The following OPCML variants were observed in gnomAD, a reference collection of about 807,000 sequenced individuals.
OPCML encodes opioid binding protein/cell adhesion molecule like, also known as opioid-binding protein/cell adhesion molecule.
A neutral mutation model predicts 37.8 loss-of-function variants in OPCML; 13 were observed. That is an observed-to-expected ratio of 0.34 (90% CI 0.22 to 0.55). OPCML has a LOEUF of 0.55. Ranked by LOEUF, OPCML falls within the 20% of genes least tolerant of loss-of-function variation. The pLI is 0.91. For missense variants in OPCML, 341 were observed against 435.6 expected, an observed-to-expected ratio of 0.78 and a Z score of 1.93; for synonymous variants, 176 against 168.8, an observed-to-expected ratio of 1.04 and a Z score of -0.33.
chr11:133,377,303 T>C (rs1944827047), intron 1 of OPCML, among the ~76,000 whole-genome samples: 1 of 152,178 alleles, frequency 6.6e-6, no homozygotes, highest in Non-Finnish European at 1.5e-5. Context: ...CCTGGGCTGA[T>C]GGTTGTCTCT....
chr11:133,015,403 G>GGAAT (rs1230423638), intron 1 of OPCML, among the ~76,000 whole-genome samples: 16 of 76,964 alleles, frequency 2.1e-4, no homozygotes, highest in African/African-American at 6.3e-4. Context: ...AATGAAGGAA[G>GGAAT]GAAGGAAGGA....
chr11:132,922,351 A>G (rs183449638), intron 2 of OPCML, among the ~76,000 whole-genome samples: 2 of 152,310 alleles, frequency 1.3e-5, no homozygotes, highest in East Asian at 3.9e-4. Flanking sequence ...GAAATGAGAC[A>G]GAGAAATACT....
chr11:133,519,137 G>T (rs1488832710), intron 1 of OPCML, among the ~76,000 whole-genome samples: 2 of 152,082 alleles, frequency 1.3e-5, no homozygotes, highest in Admixed American at 1.3e-4. Context: ...ACCTTGTGCT[G>T]GGTGGTCTGG....
intron 2 of OPCML, among the ~76,000 whole-genome samples, chr11:132,925,446 G>A (rs1260921444): frequency 1.3e-5 from 2 of 152,204 alleles, no homozygotes; most frequent in Non-Finnish European, 2.9e-5. Flanking sequence ...AAGAAGAACA[G>A]AATCCTCTGG....
At chr11:133,327,191 GTGTGTGTATGAGGGGGTATGTGGGTA>G (rs1048608036) in intron 1 of OPCML, among the ~76,000 whole-genome samples, 2 of 150,636 alleles carry the variant, frequency 1.3e-5, no homozygotes, top group African/African-American at 4.9e-5. Flanking sequence ...TGTGGGTGGG[GTGTGTGTATGAGGGGGTATGTGGGTA>G]TGTGTGTATG....
chr11:132,758,701 C>T (rs1337440648), intron 2 of OPCML, among the ~76,000 whole-genome samples: 1 of 152,150 alleles, frequency 6.6e-6, no homozygotes, highest in East Asian at 1.9e-4. Context: ...AGTTTTTGGG[C>T]TTAAACAATG....
At chr11:133,417,413 C>A (rs1945792289) in intron 1 of OPCML, among the ~76,000 whole-genome samples, 1 of 152,136 alleles carries the variant, frequency 6.6e-6, no homozygotes, top group Non-Finnish European at 1.5e-5. Context: ...AAAGAGAATG[C>A]ATAATTTGCC....
At chr11:132,467,901 T>C (rs2096124596) in intron 4 of OPCML, among the ~76,000 whole-genome samples, 1 of 152,116 alleles carries the variant, frequency 6.6e-6, no homozygotes, top group Non-Finnish European at 1.5e-5. Context: ...AGCTGACAAC[T>C]CCAGGGCAAA....
intron 2 of OPCML, among the ~76,000 whole-genome samples, chr11:132,889,293 C>T (rs1035090368): frequency 1.3e-5 from 2 of 152,200 alleles, no homozygotes; most frequent in Non-Finnish European, 2.9e-5. Context: ...CTACCAAGCA[C>T]GGGCAAGTGC....
intron 3 of OPCML, among the ~76,000 whole-genome samples, chr11:132,561,911 C>T (rs772071082): frequency 1.1e-4 from 16 of 152,172 alleles, no homozygotes; most frequent in Non-Finnish European, 2.4e-4. Flanking sequence ...AGCCTCTAGC[C>T]TAGTGTCCAT....
intron 2 of OPCML, among the ~76,000 whole-genome samples, chr11:132,768,607 A>G (rs536290846): frequency 2.3e-4 from 35 of 152,316 alleles, no homozygotes; most frequent in African/African-American, 8.4e-4. Flanking sequence ...AATGCTTGCA[A>G]TAGATTTACT....
intron 1 of OPCML, among the ~76,000 whole-genome samples, chr11:133,120,840 A>G (rs902952347): frequency 2.6e-5 from 4 of 152,148 alleles, no homozygotes; most frequent in Admixed American, 1.3e-4. Flanking sequence ...AGAGCTTCCA[A>G]TGGCCAGGAA....
chr11:132,432,466 G>T (rs2096000444), intron 7 of OPCML, among the ~76,000 whole-genome samples: 1 of 152,124 alleles, frequency 6.6e-6, no homozygotes, highest in Non-Finnish European at 1.5e-5. Flanking sequence ...TATCCAAAAT[G>T]CCTTCACTGA....
chr11:132,666,478 C>A (rs563019494), intron 2 of OPCML, among the ~76,000 whole-genome samples: 9 of 152,324 alleles, frequency 5.9e-5, no homozygotes, highest in Admixed American at 5.2e-4. Flanking sequence ...CCACTCCAAT[C>A]TTGGGGCTCA....
At chr11:133,026,666 C>T in intron 1 of OPCML, 1 of 798,822 alleles carries the variant, frequency 1.3e-6, no homozygotes, top group Non-Finnish European at 1.5e-6. Flanking sequence ...GCCTGGATTC[C>T]TACAGCTCTT....
intron 3 of OPCML, among the ~76,000 whole-genome samples, chr11:132,574,159 A>G (rs537970379): frequency 3.2e-4 from 46 of 144,750 alleles, no homozygotes; most frequent in Non-Finnish European, 5.4e-4. Flanking sequence ...AATTTTGGTT[A>G]TCTTTTTTAA....
At chr11:132,646,677 G>A (rs1425624895) in intron 3 of OPCML, among the ~76,000 whole-genome samples, 4 of 152,206 alleles carry the variant, frequency 2.6e-5, no homozygotes, top group Non-Finnish European at 4.4e-5. Context: ...AAGAGAAAAA[G>A]AGTCAAAGCT....
chr11:132,905,285 G>A (rs948970096), intron 2 of OPCML, among the ~76,000 whole-genome samples: 2 of 137,038 alleles, frequency 1.5e-5, no homozygotes, highest in African/African-American at 2.8e-5. Flanking sequence ...AGGCTGGAGT[G>A]CAGTGGCATG....
At chr11:133,442,726 CGTGT>C (rs371441649) in intron 1 of OPCML, among the ~76,000 whole-genome samples, 3,032 of 141,410 alleles carry the variant, frequency 0.021, 56 homozygotes, top group African/African-American at 0.044. Context: ...CATATTTAAA[CGTGT>C]GTGTGTGTGT....
Sources: gnomAD v4.1 joint callset for allele counts (sites outside exome capture counted in the v4.1 genomes callset) on GRCh38, gnomAD v4.1.1 for gene constraint, MANE v1.5 for transcripts, NCBI Gene and HGNC (gene_info 2026-07-23, HGNC 2026-07-21) for gene names.